The following HHIPL1 variants were observed in gnomAD, a reference collection of about 807,000 sequenced individuals.
HHIPL1 encodes the protein HHIP like 1, also known as HHIP-like protein 1.
HHIPL1 carries 43 observed loss-of-function variants against 61.8 expected under a neutral mutation model. The ratio of observed to expected loss-of-function variants is 0.70; its 90% confidence interval spans 0.55 to 0.90. HHIPL1 has a LOEUF of 0.90. Ranked by LOEUF, HHIPL1 falls within the 40% of genes least tolerant of loss-of-function variation. The probability of loss-of-function intolerance (pLI) is 0.00; values close to 1 mark genes in which losing one functional copy is unlikely to be tolerated. For synonymous variants in HHIPL1, 482 were observed against 515.8 expected, an observed-to-expected ratio of 0.93 and a Z score of 0.89; for missense variants, 1,056 against 1,157.7, an observed-to-expected ratio of 0.91 and a Z score of 1.28.
At chr14:99,671,812 C>T (rs894246659) in intron 7 of HHIPL1, among the ~76,000 whole-genome samples, 5 of 152,164 alleles carry the variant, frequency 3.3e-5, no homozygotes, top group Non-Finnish European at 7.3e-5. Flanking sequence ...CCACCCCCGC[C>T]GCCCCCGTCC....
chr14:99,656,895 G>C (rs61984401), intron 2 of HHIPL1, 105 bp from the exon 3 acceptor site: 1 of 50,464 alleles, frequency 2.0e-5, no homozygotes, highest in Admixed American at 1.4e-4. Context: ...AAGGAAGGAA[G>C]GTCTTTTCCA....
chr14:99,650,719 A>G (rs2055915419), intron 1 of HHIPL1, among the ~76,000 whole-genome samples: 1 of 152,250 alleles, frequency 6.6e-6, no homozygotes, highest in Non-Finnish European at 1.5e-5. Flanking sequence ...GGAAATGCAG[A>G]TTCATGGGCA....
At chr14:99,611,695 T>A in the HHIPL1 span, among the ~76,000 whole-genome samples, 4 of 151,432 alleles carry the variant, frequency 2.6e-5, no homozygotes, top group Non-Finnish European at 5.9e-5. Flanking sequence ...CCTAAAGTGT[T>A]GGGATTTCAG....
the HHIPL1 span, among the ~76,000 whole-genome samples, chr14:99,631,536 G>A: frequency 7.2e-5 from 11 of 152,084 alleles, no homozygotes; most frequent in African/African-American, 2.7e-4. Context: ...TCATTTCCTT[G>A]TGTGGACACT....
At chr14:99,621,110 T>G in the HHIPL1 span, among the ~76,000 whole-genome samples, 1 of 152,232 alleles carries the variant, frequency 6.6e-6, no homozygotes, top group Non-Finnish European at 1.5e-5. Context: ...ATGCCCACTT[T>G]TTTTTTGAAA....
rs1000405283 is a variant in HHIPL1 at position 99,659,725 on chromosome 14, C to T, written c.1344C>T (p.Tyr448=). ...GWRAREGFEC[Y]DRSLCANTSL... ...GCGCGCGCGAAGGGTTCGAGTGCTA[C>T]GACCGCAGCCTGTGCGCCAACACCT... The change falls in exon 4 of 9, where the codon TAC becomes TAT. Residue 448 remains tyrosine (Y), a synonymous_variant. Transcript: ENST00000330710. 2 of 1,455,056 alleles carry T rather than the reference C, an allele frequency of 1.4e-6. No homozygotes were observed. Among genetic ancestry groups the T allele is most frequent in the Non-Finnish European group, 1.8e-6 (2 of 1,109,824 alleles). 90.1% of individuals were successfully genotyped at this position (1,455,056 alleles called of 1,614,324 possible). A position where few individuals can be genotyped will look rare whatever the true frequency, so the allele number is the denominator to read the frequency against.
intron 7 of HHIPL1, chr14:99,669,424 A>C (rs2056301780): frequency 1.4e-6 from 1 of 732,612 alleles, no homozygotes; most frequent in Admixed American, 6.1e-5. Flanking sequence ...CCTTTGGCAG[A>C]CTCTAGGAGT....
chr14:99,668,290 A>G lies in HHIPL1; in HGVS notation c.1717A>G (p.Ile573Val), dbSNP rs773274568. Residue 573 changes from isoleucine to valine, a missense_variant, in exon 7 of 9, where the codon ATT becomes GTT. Physicochemically the swap from Ile to Val is conservative, Grantham distance 29. Transcript: ENST00000330710. The surrounding 1 kb of genome is among the most constrained non-coding windows in gnomAD (Gnocchi z 4.7). Reference sequence around the variant, plus strand: ...TCCACGCGGAGTTGTCTACAAAATAATTGACGCATCCAGGTGAGTCCCAGC... The same window carrying G: ...TCCACGCGGAGTTGTCTACAAAATAGTTGACGCATCCAGGTGAGTCCCAGC... The part of the protein sequence containing the change: ...TAPRGVVYKI[I>V]DASRRAPPGK... The G allele has an allele frequency of 1.2e-6, 2 of 1,608,916 alleles. No individual in the cohort carries two copies. Among genetic ancestry groups the G allele is most frequent in the Admixed American group, 3.3e-5 (2 of 60,006 alleles).
At chr14:99,636,392 C>G in the HHIPL1 span, among the ~76,000 whole-genome samples, 1 of 152,230 alleles carries the variant, frequency 6.6e-6, no homozygotes, top group African/African-American at 2.4e-5. Context: ...TGACGTGGCA[C>G]AGGCAAAGCT....
chr14:99,616,233 A>C, the HHIPL1 span, among the ~76,000 whole-genome samples: 1 of 152,254 alleles, frequency 6.6e-6, no homozygotes, highest in South Asian at 2.1e-4. Context: ...TGAGCCTAGC[A>C]GCAATAGGCT....
chr14:99,627,182 A>G, the HHIPL1 span, among the ~76,000 whole-genome samples: 1 of 148,596 alleles, frequency 6.7e-6, no homozygotes, highest in East Asian at 2.1e-4. This position sits in a 1 kb window ranked among gnomAD's most constrained non-coding sequence, Gnocchi z 4.4. Context: ...CCATTCATCT[A>G]CTCTTCTATC....
At chr14:99,634,839 T>C in the HHIPL1 span, among the ~76,000 whole-genome samples, 11 of 152,202 alleles carry the variant, frequency 7.2e-5, no homozygotes, top group Admixed American at 5.9e-4. Flanking sequence ...GGAGTGCTGT[T>C]GTTTTTCATT....
At chr14:99,671,332 G>A (rs1048588146) in intron 7 of HHIPL1, among the ~76,000 whole-genome samples, 1 of 152,124 alleles carries the variant, frequency 6.6e-6, no homozygotes, top group Non-Finnish European at 1.5e-5. Flanking sequence ...AGCCCCACTG[G>A]GTCTGTCTGA....
intron 5 of HHIPL1, among the ~76,000 whole-genome samples, chr14:99,662,617 C>T (rs2056169615): frequency 2.6e-5 from 4 of 152,200 alleles, no homozygotes; most frequent in Admixed American, 2.0e-4. Context: ...ATCTCATGCT[C>T]TGTGGTCACC....
intron 1 of HHIPL1, among the ~76,000 whole-genome samples, chr14:99,646,167 C>T (rs781264781): frequency 6.6e-6 from 1 of 152,274 alleles, no homozygotes; most frequent in African/African-American, 2.4e-5. Flanking sequence ...GTGGTGCCAC[C>T]GCTATTTGTT....
chr14:99,649,656 G>A (rs1353237791), intron 1 of HHIPL1, among the ~76,000 whole-genome samples: 1 of 152,176 alleles, frequency 6.6e-6, no homozygotes, highest in Middle Eastern at 3.2e-3. Context: ...TTAGCCGGGT[G>A]TGGTAGAGCA....
At chr14:99,666,025 G>A (rs2056239861) in intron 6 of HHIPL1, among the ~76,000 whole-genome samples, 1 of 151,406 alleles carries the variant, frequency 6.6e-6, no homozygotes, top group African/African-American at 2.4e-5. Context: ...CAAGTGATCT[G>A]CCCGCCTTGG....
At chr14:99,631,048 T>TTTTATTTC in the HHIPL1 span, among the ~76,000 whole-genome samples, 1 of 120,430 alleles carries the variant, frequency 8.3e-6, no homozygotes, top group Non-Finnish European at 1.8e-5. Flanking sequence ...AGTGGCTCCA[T>TTTTATTTC]TTTCTTTCTT....
At chr14:99,619,369 G>A in the HHIPL1 span, among the ~76,000 whole-genome samples, 1 of 151,824 alleles carries the variant, frequency 6.6e-6, no homozygotes, top group Non-Finnish European at 1.5e-5. Flanking sequence ...GGCTGAGGCA[G>A]GAGAATTGCT....
Sources: allele counts gnomAD v4.1 joint callset (sites outside exome capture counted in the v4.1 genomes callset), GRCh38; gene constraint gnomAD v4.1.1; non-coding constraint Gnocchi (gnomAD v3.1); transcripts MANE v1.5; gene names NCBI Gene and HGNC (gene_info 2026-07-23, HGNC 2026-07-21).